The following PRSS57 variants were observed in gnomAD, a reference collection of about 807,000 sequenced individuals.
PRSS57 encodes serine protease 57.
PRSS57 carries 19 observed loss-of-function variants against 20.6 expected under a neutral mutation model. The ratio of observed to expected loss-of-function variants is 0.92; its 90% CI spans 0.64 to 1.35. PRSS57 has a LOEUF of 1.35. Ranked by LOEUF, PRSS57 falls within the 40% of genes most tolerant of loss-of-function variation. PRSS57 has a pLI of 0.00. For synonymous variants in PRSS57, 203 were observed against 176.6 expected (o/e 1.15, Z -1.19); for missense variants, 440 against 403.7 (o/e 1.09, Z -0.77).
chr19:694,561 C>CAAAAAAAAAAAAAAA (rs774941376), intron 2 of PRSS57, among the ~76,000 whole-genome samples: 4 of 130,806 alleles, frequency 3.1e-5, no homozygotes, highest in African/African-American at 6.0e-5. Context: ...GAGACTGCCT[C>CAAAAAAAAAAAAAAA]AAAAAAAAAA....
intron 3 of PRSS57, chr19:690,924 G>T: frequency 2.2e-6 from 1 of 458,456 alleles, no homozygotes. Flanking sequence ...GCATCGTCTG[G>T]GCGCCTGTGC....
chr19:686,053 C>T, intron 4 of PRSS57, 131 bp from the exon 5 acceptor site: 1 of 828,140 alleles, frequency 1.2e-6, no homozygotes, highest in South Asian at 1.8e-5. Context: ...ATTCATTTCT[C>T]CCCTCCAGGC....
intron 3 of PRSS57, among the ~76,000 whole-genome samples, chr19:688,330 A>C (rs1599114698): frequency 6.7e-6 from 1 of 148,712 alleles, no homozygotes; most frequent in African/African-American, 2.5e-5. Context: ...GGCTACTGGC[A>C]CTTGCTCCTC....
In PRSS57 at chr19:694,858, C is replaced by A; in HGVS notation, c.189G>T (p.Leu63=). The change falls in exon 2 of 5, where the codon CTG becomes CTT. Residue 63 remains leucine (L), a synonymous_variant. Transcript: ENST00000329267. ...GGQHHCGGFL[L]RARWVVSAAH... ...CGGCCGAGACCACCCAGCGGGCTCG[C>A]AGCAGGAAGCCTCCGCAGTGATGTT... is the stretch of plus-strand genomic sequence containing the variant. 6.2e-7 allele frequency: 1 copy of A among 1,606,700 alleles called. No homozygotes were observed. Among genetic ancestry groups the A allele is most frequent in the Non-Finnish European group, 8.5e-7 (1 of 1,177,408 alleles).
At chr19:690,749 G>T in intron 3 of PRSS57, 1 of 363,904 alleles carries the variant, frequency 2.7e-6, no homozygotes, top group East Asian at 6.8e-5. Context: ...CAAGGAGGTA[G>T]CCACTGCCAT....
chr19:687,886 C>T (rs1221578960), intron 3 of PRSS57, among the ~76,000 whole-genome samples: 1 of 152,188 alleles, frequency 6.6e-6, no homozygotes, highest in Non-Finnish European at 1.5e-5. Context: ...CCACACACCT[C>T]CCCTCACACC....
rs1284927248 is a variant in PRSS57, at chr19:685,776, C to T, written c.789G>A (p.Arg263=). 6.4e-7 allele frequency: 1 copy of T among 1,566,868 alleles called. No homozygotes were observed. The highest frequency in any genetic ancestry group is 1.8e-5 in the Admixed American group (1 of 54,508). ...GCAGGGGGCCGGGCTGGGGACTGCTCCGCCGAACCACGTCCCAGATCCAGG... is the reference window on the plus strand; with the variant it reads ...GCAGGGGGCCGGGCTGGGGACTGCTTCGCCGAACCACGTCCCAGATCCAGG... The part of the protein sequence containing the change: ...FVAWIWDVVR[R]SSPQPGPLPG... The change falls in exon 5 of 5, where the codon CGG becomes CGA. Residue 263 remains arginine, a synonymous_variant. Transcript: ENST00000329267.
chr19:689,316 G>C (rs543771516), intron 3 of PRSS57, among the ~76,000 whole-genome samples: 5 of 148,172 alleles, frequency 3.4e-5, no homozygotes, highest in Non-Finnish European at 7.5e-5. Context: ...TTGCAGGGAG[G>C]GGGTATGTGG....
chr19:694,223 GACCC>G (rs1341274717), intron 2 of PRSS57, among the ~76,000 whole-genome samples: 1 of 151,958 alleles, frequency 6.6e-6, no homozygotes, highest in Non-Finnish European at 1.5e-5. Context: ...TGCAGGAGGG[GACCC>G]ACCCACCCTG....
At chr19:688,622 GGA>G (rs2031544431) in intron 3 of PRSS57, among the ~76,000 whole-genome samples, 1 of 65,986 alleles carries the variant, frequency 1.5e-5, no homozygotes, top group South Asian at 5.2e-4. Context: ...TTTTTCAGAT[GGA>G]GTCTCACTCT....
chr19:694,058 T>C lies in PRSS57; in HGVS notation c.233+756A>G, dbSNP rs543842848. Among the ~76,000 whole-genome samples the C allele has an allele frequency of 4.6e-5, 7 of 152,076 alleles. No individual in the cohort carries two copies. The East Asian group carries it at 9.8e-4, about 21-fold the overall frequency. ...CCCAGCCTAATTTTCGTATTTTTAG[T>C]AGAGACAGAGTTTCACCATGTTGGC... is the stretch of plus-strand genomic sequence containing the variant. On this transcript the variant is annotated intron_variant, in intron 2 of 4. Transcript: ENST00000329267.
At position 692,196 on chromosome 19, in the gene PRSS57, C is replaced by A. The variant is rs557095745; in HGVS notation, c.234-194G>T. On this transcript the variant is annotated intron_variant, in intron 2 of 4. Coordinates refer to ENST00000329267, the MANE Select transcript of PRSS57 (RefSeq NM_001308209.2). ...ACCAGCCTGATCAACATGGAGAAAC[C>A]CCGTCTCTACTAAAAATACAAAATT... Among the ~76,000 whole-genome samples, 5 of 150,818 alleles carry A rather than the reference C, an allele frequency of 3.3e-5. No homozygotes were observed. The South Asian group carries it at 6.2e-4, about 19-fold the overall frequency.
intron 3 of PRSS57, among the ~76,000 whole-genome samples, chr19:689,574 TGGG>T (rs1379884326): frequency 1.3e-5 from 2 of 151,702 alleles, no homozygotes; most frequent in Non-Finnish European, 2.9e-5. Context: ...TGGGAGCCAC[TGGG>T]GGGTCCAGGG....
At chr19:694,493 G>A (rs543167844) in intron 2 of PRSS57, among the ~76,000 whole-genome samples, 6 of 150,920 alleles carry the variant, frequency 4.0e-5, no homozygotes, top group African/African-American at 1.5e-4. Context: ...GCTTGAGCCC[G>A]GGAGGTGGAG....
intron 2 of PRSS57, among the ~76,000 whole-genome samples, chr19:693,692 C>T (rs938504074): frequency 5.9e-5 from 9 of 152,042 alleles, no homozygotes; most frequent in African/African-American, 2.2e-4. Context: ...CCTCAGCCTC[C>T]CGAGTAGCTG....
intron 2 of PRSS57, among the ~76,000 whole-genome samples, chr19:693,962 G>A (rs570901043): frequency 3.7e-4 from 56 of 152,162 alleles, no homozygotes; most frequent in Non-Finnish European, 4.9e-4. Flanking sequence ...GGATGGTCTC[G>A]ATCTCCTGAC....
rs766942654 is a variant in PRSS57 at position 694,983 on chromosome 19, C to A, written c.80-16G>T. ...CCCCAGGAGCCTGCTGGAGGGACGG[C>A]CTGAGTCAGGGACGAGGCGGGAGGA... On this transcript the variant is annotated splice_polypyrimidine_tract_variant and intron_variant, in intron 1 of 4. Coordinates refer to ENST00000329267, the MANE Select transcript of PRSS57 (RefSeq NM_001308209.2). 3 of 1,516,346 alleles carry A rather than the reference C, an allele frequency of 2.0e-6. No homozygotes were observed. The highest frequency in any genetic ancestry group is 1.8e-6 in the Non-Finnish European group (2 of 1,131,420). The allele number at this position is 1,516,346 out of a possible 1,614,324, so 93.9% of individuals were successfully genotyped here. A position where few individuals can be genotyped will look rare whatever the true frequency, so the allele number is the denominator to read the frequency against.
intron 4 of PRSS57, 82 bp downstream of exon 4, chr19:686,843 A>G: frequency 6.7e-7 from 1 of 1,502,610 alleles, no homozygotes; most frequent in Non-Finnish European, 9.0e-7. Context: ...CTCAGTTCCC[A>G]AGGCCCTTCC....
intron 3 of PRSS57, among the ~76,000 whole-genome samples, chr19:689,153 A>C (rs961268185): frequency 8.0e-6 from 1 of 125,288 alleles, no homozygotes; most frequent in African/African-American, 3.2e-5. Context: ...CGGTGCTAGA[A>C]GGGTGGTCCA....
Sources: allele counts gnomAD v4.1 joint callset (sites outside exome capture counted in the v4.1 genomes callset), GRCh38; gene constraint gnomAD v4.1.1; transcripts MANE v1.5; gene names NCBI Gene and HGNC (gene_info 2026-07-23, HGNC 2026-07-21).